The following FNBP1L variants were observed in gnomAD, a reference collection of about 807,000 sequenced individuals.
The protein encoded by FNBP1L is formin binding protein 1 like.
In FNBP1L, 36 loss-of-function variants were observed where a neutral mutation model predicts 91.2. That is an observed-to-expected ratio of 0.39 (90% CI 0.30 to 0.52). The LOEUF (loss-of-function observed/expected upper bound fraction) is 0.52, where lower values mean the gene tolerates loss of function less well. FNBP1L is among the 20% of genes least tolerant of loss of function. FNBP1L has a pLI of 0.66. For missense variants in FNBP1L, 571 were observed against 732.1 expected, an observed-to-expected ratio of 0.78 and a Z score of 2.54; for synonymous variants, 242 against 237.0, an observed-to-expected ratio of 1.02 and a Z score of -0.19.
chr1:93,520,533 A>G (rs1250901059), intron 2 of FNBP1L, among the ~76,000 whole-genome samples: 1 of 152,192 alleles, frequency 6.6e-6, no homozygotes, highest in Non-Finnish European at 1.5e-5. Flanking sequence ...AAGAAATACA[A>G]TTATTCCCAA....
At chr1:93,551,458 C>CTA (rs1443316902) in intron 16 of FNBP1L, 1 of 993,224 alleles carries the variant, frequency 1.0e-6, no homozygotes, top group African/African-American at 1.7e-5. Flanking sequence ...TCTCTGCCCC[C>CTA]TTTACTTCAG....
chr1:93,523,624 T>A, intron 4 of FNBP1L, 133 bp downstream of exon 4: 1 of 906,792 alleles, frequency 1.1e-6, no homozygotes, highest in Non-Finnish European at 1.6e-6. Context: ...AGCTAAAAAT[T>A]ATCACAAAAT....
intron 8 of FNBP1L, among the ~76,000 whole-genome samples, chr1:93,533,883 T>A (rs1671763229): frequency 6.6e-6 from 1 of 152,138 alleles, no homozygotes; most frequent in Admixed American, 6.6e-5. Context: ...GTAGCATTAC[T>A]GACAAAAGTA....
At chr1:93,456,929 C>A (rs1668689928) in intron 1 of FNBP1L, among the ~76,000 whole-genome samples, 1 of 152,168 alleles carries the variant, frequency 6.6e-6, no homozygotes, top group Non-Finnish European at 1.5e-5. Context: ...ACTTCCATAG[C>A]CCAGGCTGGA....
chr1:93,466,944 C>T (rs1285650295), intron 1 of FNBP1L, among the ~76,000 whole-genome samples: 2 of 152,150 alleles, frequency 1.3e-5, no homozygotes, highest in South Asian at 2.1e-4. Flanking sequence ...GTAACCTCCG[C>T]CTCCCAGATT....
chr1:93,466,070 A>T (rs1042009285), intron 1 of FNBP1L, among the ~76,000 whole-genome samples: 42 of 150,252 alleles, frequency 2.8e-4, no homozygotes, highest in African/African-American at 9.3e-4. Flanking sequence ...TTTTTCTTGT[A>T]AATTTGTTTC....
In FNBP1L at chr1:93,551,705, A is replaced by C. The variant is rs542515478; in HGVS notation, c.1810+600A>C. ...GAGCAGGTAGCACATAATCTATTTAAGTAGATTTAAAGAGAGTTTCAAAAT... is the reference window on the plus strand; with the variant it reads ...GAGCAGGTAGCACATAATCTATTTACGTAGATTTAAAGAGAGTTTCAAAAT... On this transcript the variant is annotated intron_variant, in intron 16 of 16. Transcript: ENST00000271234. The C allele has an allele frequency of 8.6e-5, 85 of 984,978 alleles. No individual in the cohort carries two copies. The African/African-American group carries it at 1.4e-3, about 17-fold the overall frequency. The allele number at this position is 984,978 out of a possible 1,614,324, so 61.0% of individuals were successfully genotyped here.
intron 1 of FNBP1L, among the ~76,000 whole-genome samples, chr1:93,479,460 A>G (rs942356116): frequency 2.0e-5 from 3 of 152,180 alleles, no homozygotes; most frequent in African/African-American, 7.2e-5. Context: ...TCTGACCTCA[A>G]ATTCACCAGG....
chr1:93,448,587 C>G (rs1413704247), intron 1 of FNBP1L, among the ~76,000 whole-genome samples: 2 of 152,140 alleles, frequency 1.3e-5, no homozygotes, highest in East Asian at 1.9e-4. Context: ...CTGCGTGCGC[C>G]GTGATCCCCT....
intron 1 of FNBP1L, among the ~76,000 whole-genome samples, chr1:93,456,573 T>C (rs1004952435): frequency 8.0e-6 from 1 of 125,498 alleles, no homozygotes; most frequent in African/African-American, 3.1e-5. Flanking sequence ...GAAACCAGCC[T>C]GGGCAAGATG....
chr1:93,530,013 G>C (rs1671622973), intron 6 of FNBP1L, among the ~76,000 whole-genome samples: 1 of 152,132 alleles, frequency 6.6e-6, no homozygotes, highest in African/African-American at 2.4e-5. Flanking sequence ...TGAGTTTTTA[G>C]CCTATTCCAA....
intron 1 of FNBP1L, among the ~76,000 whole-genome samples, chr1:93,473,010 C>T (rs917284854): frequency 2.0e-5 from 3 of 151,852 alleles, no homozygotes; most frequent in East Asian, 3.9e-4. Context: ...TTTGCACTTG[C>T]TGCTAGAAAA....
At chr1:93,546,701 C>T in intron 12 of FNBP1L, 141 bp from the exon 13 acceptor site, 4 of 790,324 alleles carry the variant, frequency 5.1e-6, no homozygotes, top group Non-Finnish European at 8.0e-6. Context: ...TGTCTTTAAT[C>T]AGGTCATGTT....
At chr1:93,467,815 A>C (rs555980033) in intron 1 of FNBP1L, among the ~76,000 whole-genome samples, 2 of 152,014 alleles carry the variant, frequency 1.3e-5, no homozygotes, top group Non-Finnish European at 2.9e-5. Flanking sequence ...CGGTGTGCGC[A>C]ATAGTCCCAG....
At chr1:93,516,412 C>G (rs560069395) in intron 2 of FNBP1L, among the ~76,000 whole-genome samples, 95 of 152,316 alleles carry the variant, frequency 6.2e-4, no homozygotes, top group Non-Finnish European at 1.1e-3. Flanking sequence ...AAGTTCCACC[C>G]ACAGGAGTTC....
rs1248299930 is a variant in FNBP1L at position 93,544,089 on chromosome 1, T to A, written c.1165-18T>A. 5 of 1,566,308 alleles carry A rather than the reference T, an allele frequency of 3.2e-6. No individual in the cohort carries two copies. The Admixed American group carries it at 7.5e-5, about 23-fold the overall frequency. On this transcript the variant is annotated intron_variant, in intron 11 of 16. Coordinates refer to ENST00000271234, the MANE Select transcript of FNBP1L (RefSeq NM_001164473.3). ...TTCCCGAAAATGTCTATTATAATGATTTAGATTCTCTTTTCAGGGCCCAGC... is the reference window on the plus strand; with the variant it reads ...TTCCCGAAAATGTCTATTATAATGAATTAGATTCTCTTTTCAGGGCCCAGC...
At chr1:93,515,099 GTGAAGGACA>G (rs1194127398) in intron 2 of FNBP1L, among the ~76,000 whole-genome samples, 4 of 152,308 alleles carry the variant, frequency 2.6e-5, no homozygotes, top group Middle Eastern at 3.4e-3. Context: ...CAAAAAGTGG[GTGAAGGACA>G]TTAACAGACA....
intron 1 of FNBP1L, among the ~76,000 whole-genome samples, chr1:93,451,069 T>C (rs1470197240): frequency 1.3e-5 from 2 of 152,236 alleles, no homozygotes; most frequent in African/African-American, 4.8e-5. Flanking sequence ...GAATATATAC[T>C]ACAGTCACAG....
chr1:93,531,167 ATTGAAT>A (rs1310098184), intron 7 of FNBP1L, among the ~76,000 whole-genome samples: 1 of 152,232 alleles, frequency 6.6e-6, no homozygotes, highest in Non-Finnish European at 1.5e-5. Context: ...AGGAGAATTA[ATTGAAT>A]TTGTATATTG....
Sources: gnomAD v4.1 joint callset for allele counts (sites outside exome capture counted in the v4.1 genomes callset) on GRCh38, gnomAD v4.1.1 for gene constraint, MANE v1.5 for transcripts, NCBI Gene and HGNC (gene_info 2026-07-23, HGNC 2026-07-21) for gene names.